Variants in MCTP1 observed in about 807,000 individuals in gnomAD.
MCTP1 encodes multiple C2 and transmembrane domain-containing protein 1.
In MCTP1, 69 loss-of-function variants were observed where a neutral mutation model predicts 120.6. The ratio of observed to expected loss-of-function variants is 0.57; its 90% CI spans 0.47 to 0.70. The LOEUF (loss-of-function observed/expected upper bound fraction) is 0.70, where lower values mean the gene tolerates loss of function less well. Ranked by LOEUF, MCTP1 falls within the 30% of genes least tolerant of loss-of-function variation. The pLI is 0.00. For synonymous variants in MCTP1, 529 were observed against 493.1 expected (o/e 1.07, Z -0.96); for missense variants, 1,203 against 1,248.8 (o/e 0.96, Z 0.55).
At chr5:95,196,333 G>A (rs1173398613) in intron 1 of MCTP1, among the ~76,000 whole-genome samples, 1 of 152,248 alleles carries the variant, frequency 6.6e-6, no homozygotes, top group South Asian at 2.1e-4. Context: ...CTCTCCTAAT[G>A]ATCCTTTAAG....
At position 94,947,956 on chromosome 5, in the gene MCTP1, C is replaced by T. The variant is rs141653586; in HGVS notation, c.981+5263G>A. Among the ~76,000 whole-genome samples, 705 of 152,026 alleles carry T rather than the reference C, an allele frequency of 4.6e-3. 5 individuals carry two copies. Among genetic ancestry groups the T allele is most frequent in the African/African-American group, 0.016 (661 of 41,474 alleles). ...TTAGAGCTTCTTTAAAGGCCTAACC[C>T]ATCTCATGAGATCATATAATGTGAT... On this transcript the variant is annotated intron_variant, in intron 3 of 22. Transcript: ENST00000515393.
At chr5:94,836,464 A>T (rs1336803852) in intron 17 of MCTP1, among the ~76,000 whole-genome samples, 2 of 152,176 alleles carry the variant, frequency 1.3e-5, no homozygotes, top group African/African-American at 4.8e-5. Context: ...AGGAGTTTTC[A>T]TTGCTGTATT....
chr5:95,181,527 C>T (rs1748596570), intron 1 of MCTP1, among the ~76,000 whole-genome samples: 1 of 152,180 alleles, frequency 6.6e-6, no homozygotes, highest in South Asian at 2.1e-4. Flanking sequence ...CCTGTTCCCT[C>T]TTCATTTTCC....
intron 1 of MCTP1, among the ~76,000 whole-genome samples, chr5:95,250,837 AG>A (rs1408517459): frequency 6.6e-6 from 1 of 152,180 alleles, no homozygotes; most frequent in Non-Finnish European, 1.5e-5. Context: ...CACTACTAAT[AG>A]GTAGGCTTAC....
Position 95,283,853 on chromosome 5 carries a change from C to G in MCTP1, c.720+3G>C. 1.5e-6 allele frequency: 2 copies of G among 1,366,846 alleles called. No individual in the cohort carries two copies. The highest frequency in any genetic ancestry group is 1.9e-6 in the Non-Finnish European group (2 of 1,068,520). 84.7% of individuals were successfully genotyped at this position (1,366,846 alleles called of 1,614,324 possible). On this transcript the variant is annotated splice_donor_region_variant and intron_variant, in intron 1 of 22. Transcript: ENST00000515393. ...TGTCTCCGGCCGCGCCACCGGCACT[C>G]ACCTGGCTGCTGCCGTGCTCCTCGC...
chr5:95,066,738 A>G (rs1750757034), intron 1 of MCTP1, among the ~76,000 whole-genome samples: 1 of 152,262 alleles, frequency 6.6e-6, no homozygotes, highest in African/African-American at 2.4e-5. Context: ...AAAATAAGTC[A>G]GACACAGAAA....
At chr5:94,849,793 T>C (rs1462290362) in intron 17 of MCTP1, among the ~76,000 whole-genome samples, 3 of 152,142 alleles carry the variant, frequency 2.0e-5, no homozygotes, top group African/African-American at 7.2e-5. Flanking sequence ...GGCTCTGCAA[T>C]TGTTTAATAC....
At chr5:94,782,883 C>T (rs528404620) in intron 18 of MCTP1, among the ~76,000 whole-genome samples, 5 of 152,140 alleles carry the variant, frequency 3.3e-5, no homozygotes, top group South Asian at 2.1e-4. Flanking sequence ...TTACGAAGTT[C>T]GGTTTTTTCT....
chr5:95,277,512 T>A (rs531435269), intron 1 of MCTP1, among the ~76,000 whole-genome samples: 1 of 152,196 alleles, frequency 6.6e-6, no homozygotes, highest in Non-Finnish European at 1.5e-5. Context: ...TCTGAACAGT[T>A]CTAGCCCACC....
intron 1 of MCTP1, among the ~76,000 whole-genome samples, chr5:95,277,948 C>T (rs903920021): frequency 6.6e-6 from 1 of 151,926 alleles, no homozygotes; most frequent in Non-Finnish European, 1.5e-5. Context: ...TTCCATATTG[C>T]AATACAATCT....
intron 19 of MCTP1, among the ~76,000 whole-genome samples, chr5:94,748,345 G>GA (rs1336738743): frequency 1.3e-5 from 2 of 152,176 alleles, no homozygotes; most frequent in African/African-American, 2.4e-5. Flanking sequence ...TGGAACTACT[G>GA]AAACATTGTC....
At chr5:94,835,245 G>A (rs751975550) in intron 17 of MCTP1, among the ~76,000 whole-genome samples, 2 of 152,214 alleles carry the variant, frequency 1.3e-5, no homozygotes, top group African/African-American at 2.4e-5. Flanking sequence ...CTACTATGAT[G>A]TTGATTACCT....
At chr5:94,937,212 A>C (rs1320022435) in intron 5 of MCTP1, among the ~76,000 whole-genome samples, 2 of 152,116 alleles carry the variant, frequency 1.3e-5, no homozygotes, top group Non-Finnish European at 2.9e-5. Context: ...TTAATGCAGC[A>C]AAGTGAATGC....
At chr5:95,161,211 C>T (rs561664983) in intron 1 of MCTP1, among the ~76,000 whole-genome samples, 1 of 152,052 alleles carries the variant, frequency 6.6e-6, no homozygotes, top group Non-Finnish European at 1.5e-5. Context: ...TCATCAGATG[C>T]ACGGATAAAG....
intron 12 of MCTP1, among the ~76,000 whole-genome samples, chr5:94,874,638 T>C (rs1260069504): frequency 6.6e-6 from 1 of 152,130 alleles, no homozygotes; most frequent in Admixed American, 6.6e-5. Flanking sequence ...TTAGGATCTG[T>C]ATTATCTTTT....
At chr5:95,015,652 T>A (rs1257678463) in intron 2 of MCTP1, among the ~76,000 whole-genome samples, 1 of 152,160 alleles carries the variant, frequency 6.6e-6, no homozygotes, top group African/African-American at 2.4e-5. Flanking sequence ...TGTACTTCGC[T>A]TATGTGAACT....
intron 1 of MCTP1, among the ~76,000 whole-genome samples, chr5:95,202,336 A>G (rs1207849447): frequency 6.6e-6 from 1 of 152,170 alleles, no homozygotes; most frequent in Non-Finnish European, 1.5e-5. Flanking sequence ...TGAGAGTTCC[A>G]CCATCAGCTT....
chr5:95,211,892 C>A (rs982672652), intron 1 of MCTP1, among the ~76,000 whole-genome samples: 94 of 152,198 alleles, frequency 6.2e-4, no homozygotes, highest in Admixed American at 5.6e-3. Flanking sequence ...TTCCTTCTGA[C>A]AGACAGGACC....
chr5:94,764,553 A>G (rs1772115189), intron 19 of MCTP1, among the ~76,000 whole-genome samples: 1 of 152,172 alleles, frequency 6.6e-6, no homozygotes, highest in South Asian at 2.1e-4. Context: ...TTCCACACAA[A>G]TAGAAACCAA....
Sources: gnomAD v4.1 joint callset for allele counts (sites outside exome capture counted in the v4.1 genomes callset) on GRCh38, gnomAD v4.1.1 for gene constraint, MANE v1.5 for transcripts, NCBI Gene and HGNC (gene_info 2026-07-23, HGNC 2026-07-21) for gene names.